The following OSBPL8 variants were observed in gnomAD, a reference collection of about 807,000 sequenced individuals.
OSBPL8 encodes the protein oxysterol-binding protein-related protein 8.
In OSBPL8, 59 loss-of-function variants were observed where a neutral mutation model predicts 125.5. The observed-to-expected ratio is 0.47, with a 90% CI of 0.38 to 0.58. OSBPL8 has a LOEUF of 0.58. OSBPL8 is among the 20% of genes least tolerant of loss of function. The pLI is 0.00. For synonymous variants in OSBPL8, 330 were observed against 338.9 expected, an observed-to-expected ratio of 0.97 and a Z score of 0.29; for missense variants, 758 against 1,047.8, an observed-to-expected ratio of 0.72 and a Z score of 3.82.
chr12:76,475,639 C>T (rs1876710984), intron 2 of OSBPL8, among the ~76,000 whole-genome samples: 1 of 152,180 alleles, frequency 6.6e-6, no homozygotes, highest in South Asian at 2.1e-4. Context: ...AAGCCAATTG[C>T]TTTTGCAAGT....
intron 2 of OSBPL8, among the ~76,000 whole-genome samples, chr12:76,465,826 T>C (rs1875350907): frequency 6.6e-6 from 1 of 151,904 alleles, no homozygotes; most frequent in African/African-American, 2.4e-5. Flanking sequence ...GCCAACATGG[T>C]GAAACCCCGT....
chr12:76,451,046 T>C (rs1873345140), intron 3 of OSBPL8, 58 bp from the exon 4 acceptor site: 1 of 1,537,236 alleles, frequency 6.5e-7, no homozygotes, highest in Non-Finnish European at 8.8e-7. Flanking sequence ...CATAATAGTA[T>C]AGTTAATAAC....
At chr12:76,414,667 G>C (rs1020368839) in intron 4 of OSBPL8, among the ~76,000 whole-genome samples, 1 of 151,494 alleles carries the variant, frequency 6.6e-6, no homozygotes, top group Non-Finnish European at 1.5e-5. Flanking sequence ...TGCCCAGGCT[G>C]GTCTTCAAAT....
chr12:76,441,735 G>C (rs1427339941), intron 4 of OSBPL8, among the ~76,000 whole-genome samples: 2 of 151,838 alleles, frequency 1.3e-5, no homozygotes, highest in Middle Eastern at 6.8e-3. Context: ...AAATCAAAAC[G>C]ATTGAACCCA....
At chr12:76,387,349 C>A (rs75041917) in intron 12 of OSBPL8, among the ~76,000 whole-genome samples, 2 of 152,110 alleles carry the variant, frequency 1.3e-5, no homozygotes, top group East Asian at 3.8e-4. Context: ...TAAATCAATA[C>A]GGAAGGTTTT....
chr12:76,426,508 A>T (rs1261463345), intron 4 of OSBPL8, among the ~76,000 whole-genome samples: 1 of 152,206 alleles, frequency 6.6e-6, no homozygotes, highest in Non-Finnish European at 1.5e-5. Context: ...GGCACAAAAA[A>T]GTGAGGATTC....
chr12:76,457,851 C>T (rs532422145), intron 3 of OSBPL8, among the ~76,000 whole-genome samples: 2 of 152,110 alleles, frequency 1.3e-5, no homozygotes, highest in African/African-American at 2.4e-5. Flanking sequence ...ATTTATAAAG[C>T]TCAGCAGTGC....
intron 12 of OSBPL8, among the ~76,000 whole-genome samples, chr12:76,388,287 A>C (rs1953404399): frequency 6.6e-6 from 1 of 152,222 alleles, no homozygotes; most frequent in Non-Finnish European, 1.5e-5. Context: ...AGATTAGTGG[A>C]TCAAATGATG....
At chr12:76,435,368 G>A (rs1871330498) in intron 4 of OSBPL8, among the ~76,000 whole-genome samples, 1 of 152,140 alleles carries the variant, frequency 6.6e-6, no homozygotes, top group Admixed American at 6.5e-5. Context: ...TAGATGCACA[G>A]AATTAGAATA....
chr12:76,386,948 G>C (rs746538494), intron 12 of OSBPL8, among the ~76,000 whole-genome samples: 1 of 152,136 alleles, frequency 6.6e-6, no homozygotes, highest in Non-Finnish European at 1.5e-5. Context: ...TTGGTATTCT[G>C]CAGAACCTGA....
At chr12:76,418,602 G>A (rs1388423942) in intron 4 of OSBPL8, among the ~76,000 whole-genome samples, 3 of 152,138 alleles carry the variant, frequency 2.0e-5, no homozygotes, top group Non-Finnish European at 4.4e-5. Flanking sequence ...AGGCTGAAGT[G>A]GGCAGATCAC....
chr12:76,548,277 A>G (rs1950837996), intron 1 of OSBPL8, among the ~76,000 whole-genome samples: 1 of 152,214 alleles, frequency 6.6e-6, no homozygotes, highest in Admixed American at 6.5e-5. Context: ...GATAGAAATA[A>G]CAAGCGGAAA....
At chr12:76,376,089 G>C (rs917733945) in intron 16 of OSBPL8, among the ~76,000 whole-genome samples, 2 of 152,196 alleles carry the variant, frequency 1.3e-5, no homozygotes, top group South Asian at 4.1e-4. Context: ...AGGCTCACAG[G>C]AATCCAATCT....
At chr12:76,472,803 G>A (rs1343801593) in intron 2 of OSBPL8, among the ~76,000 whole-genome samples, 1 of 152,176 alleles carries the variant, frequency 6.6e-6, no homozygotes, top group Non-Finnish European at 1.5e-5. Flanking sequence ...AAGTGGACTA[G>A]GAGCATGACC....
rs1386697362 is a variant in OSBPL8, at chr12:76,354,046, G to A, written c.*1843C>T. The A allele has an allele frequency of 2.6e-5, 4 of 152,224 alleles. No homozygotes were observed. The highest frequency in any genetic ancestry group is 2.6e-4 in the Admixed American group (4 of 15,248). 9.4% of individuals were successfully genotyped at this position (152,224 alleles called of 1,614,324 possible). A position where few individuals can be genotyped will look rare whatever the true frequency, so the allele number is the denominator to read the frequency against. On this transcript the variant is annotated 3_prime_UTR_variant, in exon 24 of 24. Transcript: ENST00000261183. ...TTGTGATAAGCCAATCAATTTGTAT[G>A]TAATTAACTAATTTAAACCATAAAA...
chr12:76,420,858 T>C (rs2136491775), intron 4 of OSBPL8, among the ~76,000 whole-genome samples: 1 of 152,200 alleles, frequency 6.6e-6, no homozygotes, highest in Non-Finnish European at 1.5e-5. Flanking sequence ...ATAGAGCTTT[T>C]TATCACAGCT....
At chr12:76,406,627 T>C (rs1482473852) in intron 5 of OSBPL8, among the ~76,000 whole-genome samples, 1 of 152,160 alleles carries the variant, frequency 6.6e-6, no homozygotes, top group Non-Finnish European at 1.5e-5. Context: ...GGAACTGCCT[T>C]ATTTTTTGAG....
chr12:76,427,770 G>C (rs1203799531), intron 4 of OSBPL8, among the ~76,000 whole-genome samples: 2 of 151,928 alleles, frequency 1.3e-5, no homozygotes, highest in African/African-American at 4.8e-5. Flanking sequence ...AGTTATGTGA[G>C]GTATTTATGT....
rs546071022 is a variant in OSBPL8, at chr12:76,373,442, C to G, written c.1828-9G>C. Reference sequence around the variant, plus strand: ...CTACTCCCTAGGAATGGCTTTTAAACGAGAAAATGTTAAACATTTTACTTT... The same window carrying G: ...CTACTCCCTAGGAATGGCTTTTAAAGGAGAAAATGTTAAACATTTTACTTT... On this transcript the variant is annotated splice_polypyrimidine_tract_variant and intron_variant, in intron 17 of 23. Coordinates refer to ENST00000261183, the MANE Select transcript of OSBPL8 (RefSeq NM_020841.5). 1.9e-6 allele frequency: 3 copies of G among 1,556,234 alleles called. No homozygotes were observed. Among genetic ancestry groups the G allele is most frequent in the African/African-American group, 1.4e-5 (1 of 73,022 alleles).
Sources: allele counts gnomAD v4.1 joint callset (sites outside exome capture counted in the v4.1 genomes callset), GRCh38; gene constraint gnomAD v4.1.1; transcripts MANE v1.5; gene names NCBI Gene and HGNC (gene_info 2026-07-23, HGNC 2026-07-21).